SPAG17: variants seen among roughly 807,000 people sequenced by gnomAD.
SPAG17 encodes the protein sperm-associated antigen 17.
Under a neutral mutation model 273.6 loss-of-function variants are expected in SPAG17, and 169 were observed. The ratio of observed to expected loss-of-function variants is 0.62; its 90% CI spans 0.55 to 0.70. The LOEUF (loss-of-function observed/expected upper bound fraction) is 0.70, where lower values mean the gene tolerates loss of function less well. SPAG17 is among the 30% of genes least tolerant of loss of function. The probability of loss-of-function intolerance (pLI) is 0.00; values close to 1 mark genes in which losing one functional copy is unlikely to be tolerated. For missense variants in SPAG17, 2,557 were observed against 2,627.8 expected (o/e 0.97, Z 0.59); for synonymous variants, 825 against 873.2 (o/e 0.94, Z 0.97).
intron 28 of SPAG17, 24 bp from the exon 29 acceptor site, chr1:118,016,206 A>G (rs779758336): frequency 1.3e-6 from 2 of 1,561,898 alleles, no homozygotes; most frequent in South Asian, 2.2e-5. Flanking sequence ...GTAAAATCAA[A>G]CAACAACAAT....
At chr1:118,159,308 T>A (rs1204065539) in intron 1 of SPAG17, among the ~76,000 whole-genome samples, 1 of 152,218 alleles carries the variant, frequency 6.6e-6, no homozygotes, top group African/African-American at 2.4e-5. Flanking sequence ...TGTGACTAAT[T>A]AAAATTATTG....
At chr1:118,067,453 C>T (rs1421691351) in intron 17 of SPAG17, among the ~76,000 whole-genome samples, 7 of 152,138 alleles carry the variant, frequency 4.6e-5, no homozygotes, top group Admixed American at 2.0e-4. Flanking sequence ...CCTGCTCTCC[C>T]TCCCTCTTTC....
chr1:118,051,737 G>A (rs1345178679), intron 20 of SPAG17, among the ~76,000 whole-genome samples: 4 of 142,080 alleles, frequency 2.8e-5, no homozygotes, highest in African/African-American at 1.0e-4. Context: ...ATATGATATG[G>A]TTTATATATT....
At chr1:118,062,771 A>C (rs4659066) in intron 18 of SPAG17, among the ~76,000 whole-genome samples, 89,676 of 151,934 alleles carry the variant, frequency 0.59, 27,003 homozygotes, top group African/African-American at 0.7. Flanking sequence ...AAAATACATC[A>C]CTACGGTCAG....
chr1:118,115,191 A>T, intron 4 of SPAG17, 119 bp downstream of exon 4: 1 of 1,185,068 alleles, frequency 8.4e-7, no homozygotes, highest in Non-Finnish European at 1.2e-6. Context: ...GTGACAGCCA[A>T]ATTTGCCAGG....
chr1:117,956,270 G>A (rs1347311463), intron 48 of SPAG17, among the ~76,000 whole-genome samples: 2 of 151,868 alleles, frequency 1.3e-5, no homozygotes, highest in African/African-American at 4.8e-5. Flanking sequence ...GACCAGCCTG[G>A]GCACCATACT....
chr1:118,008,183 G>A lies in SPAG17; in HGVS notation c.4448C>T (p.Thr1483Ile). ...DDQETTEGPR[T>I]VTRQVKCMRV... ...CATACACTTCACCTGCCTGGTGACA[G>A]TCCGAGGACCCTCGGCTACAAGCAA... is the stretch of plus-strand genomic sequence containing the variant. The change falls in exon 31 of 49, where the codon ACT becomes ATT. Residue 1483 changes from threonine (T) to isoleucine (I), a missense_variant. By Grantham distance (89) the Thr-to-Ile change is moderately conservative. Transcript: ENST00000336338. The A allele has an allele frequency of 6.2e-7, 1 of 1,613,882 alleles. No individual in the cohort carries two copies. The highest frequency in any genetic ancestry group is 8.5e-7 in the Non-Finnish European group (1 of 1,179,938).
intron 1 of SPAG17, among the ~76,000 whole-genome samples, chr1:118,174,463 T>C (rs776259860): frequency 1.3e-5 from 2 of 151,936 alleles, no homozygotes; most frequent in East Asian, 1.9e-4. Flanking sequence ...GAAAAGTATA[T>C]AGAGCAAAAG....
At chr1:117,972,521 T>C (rs1342040129) in intron 44 of SPAG17, among the ~76,000 whole-genome samples, 1 of 152,234 alleles carries the variant, frequency 6.6e-6, no homozygotes, top group Non-Finnish European at 1.5e-5. Flanking sequence ...AACCACACTT[T>C]GAGAAACATT....
chr1:118,082,511 A>G (rs1433066458), intron 13 of SPAG17, among the ~76,000 whole-genome samples: 1 of 152,236 alleles, frequency 6.6e-6, no homozygotes, highest in African/African-American at 2.4e-5. Context: ...AGAAGGAAGG[A>G]GAGATTGCTC....
intron 7 of SPAG17, among the ~76,000 whole-genome samples, chr1:118,096,090 T>A (rs1420141872): frequency 1.3e-5 from 2 of 152,320 alleles, no homozygotes; most frequent in East Asian, 3.9e-4. Context: ...TGTTTCTACA[T>A]AGTGACATCT....
intron 10 of SPAG17, among the ~76,000 whole-genome samples, chr1:118,090,440 G>A (rs1013668458): frequency 1.3e-5 from 2 of 152,096 alleles, no homozygotes; most frequent in African/African-American, 4.8e-5. Context: ...ATTTAGAATT[G>A]AATACACTGA....
At chr1:118,099,520 A>G in intron 6 of SPAG17, 86 bp downstream of exon 6, 1 of 1,213,308 alleles carries the variant, frequency 8.2e-7, no homozygotes, top group Non-Finnish European at 1.2e-6. Flanking sequence ...TTGTAAGACT[A>G]TGTTTTGGAC....
At chr1:118,144,923 G>A (rs1658886918) in intron 3 of SPAG17, among the ~76,000 whole-genome samples, 1 of 152,144 alleles carries the variant, frequency 6.6e-6, no homozygotes, top group African/African-American at 2.4e-5. Context: ...TTTCCTACAA[G>A]TGAAGTTAAA....
chr1:118,102,061 G>T, intron 4 of SPAG17, 135 bp from the exon 5 acceptor site: 1 of 765,806 alleles, frequency 1.3e-6, no homozygotes, highest in South Asian at 1.8e-5. Context: ...CATTATATAA[G>T]TCAGCATAGT....
intron 18 of SPAG17, among the ~76,000 whole-genome samples, chr1:118,058,062 T>A (rs1651888833): frequency 6.6e-6 from 1 of 152,076 alleles, no homozygotes; most frequent in South Asian, 2.1e-4. Flanking sequence ...AATTAAATGG[T>A]AAGAATAAAA....
intron 43 of SPAG17, among the ~76,000 whole-genome samples, chr1:117,979,514 T>C (rs185761575): frequency 3.7e-4 from 56 of 152,286 alleles, no homozygotes; most frequent in African/African-American, 1.3e-3. Flanking sequence ...CAGTTGCTTC[T>C]TCCTTGCTTG....
chr1:118,103,840 A>AGTGT (rs60797775), intron 4 of SPAG17, among the ~76,000 whole-genome samples: 7,235 of 136,312 alleles, frequency 0.053, 271 homozygotes, highest in Non-Finnish European at 0.08. Flanking sequence ...GGGAAAATGT[A>AGTGT]GTGTGTGTGT....
At chr1:118,096,180 G>C (rs1655690852) in intron 7 of SPAG17, among the ~76,000 whole-genome samples, 1 of 152,066 alleles carries the variant, frequency 6.6e-6, no homozygotes, top group Non-Finnish European at 1.5e-5. Flanking sequence ...ATCCTTCAGG[G>C]TTCAAGTCTG....
Sources: allele counts gnomAD v4.1 joint callset (sites outside exome capture counted in the v4.1 genomes callset), GRCh38; gene constraint gnomAD v4.1.1; transcripts MANE v1.5; gene names NCBI Gene and HGNC (gene_info 2026-07-23, HGNC 2026-07-21).